NCKAP5: variants seen among roughly 807,000 people sequenced by gnomAD.
The protein encoded by NCKAP5 is NCK associated protein 5, also known as nck-associated protein 5.
Under a neutral mutation model 167.0 loss-of-function variants are expected in NCKAP5, and 92 were observed. That is an observed-to-expected ratio of 0.55 (90% CI 0.47 to 0.66). The LOEUF is 0.66. Among genes scored for constraint, NCKAP5 ranks in the 30% least tolerant of loss-of-function variants. NCKAP5 has a pLI of 0.00. For missense variants in NCKAP5, 2,378 were observed against 2,315.0 expected, an observed-to-expected ratio of 1.03 and a Z score of -0.56; for synonymous variants, 891 against 877.4, an observed-to-expected ratio of 1.02 and a Z score of -0.27.
the NCKAP5 span, among the ~76,000 whole-genome samples, chr2:133,658,677 G>A: frequency 4.6e-5 from 7 of 152,152 alleles, no homozygotes; most frequent in African/African-American, 1.7e-4. Context: ...AGTGCCGACA[G>A]CAGGATTCTC....
At chr2:133,376,783 G>A (rs1215464423) in intron 3 of NCKAP5, among the ~76,000 whole-genome samples, 1 of 152,196 alleles carries the variant, frequency 6.6e-6, no homozygotes. Flanking sequence ...AAATATGAAA[G>A]GCAGAATAAC....
At chr2:133,057,611 C>A (rs536122404) in intron 6 of NCKAP5, among the ~76,000 whole-genome samples, 1 of 152,270 alleles carries the variant, frequency 6.6e-6, no homozygotes, top group East Asian at 1.9e-4. Context: ...TCTATGAAGC[C>A]TGAGAGAGGT....
At chr2:133,211,466 A>C (rs879867202) in intron 5 of NCKAP5, among the ~76,000 whole-genome samples, 1 of 152,092 alleles carries the variant, frequency 6.6e-6, no homozygotes, top group Admixed American at 6.6e-5. Flanking sequence ...TTGAGCTCAA[A>C]TGATCCTCCT....
At chr2:133,077,350 G>A (rs1019247910) in intron 6 of NCKAP5, among the ~76,000 whole-genome samples, 2 of 152,116 alleles carry the variant, frequency 1.3e-5, no homozygotes, top group African/African-American at 4.8e-5. Flanking sequence ...ACCAGAAAAA[G>A]AAAAGCAGAA....
At chr2:133,328,277 T>C (rs994543143) in intron 3 of NCKAP5, among the ~76,000 whole-genome samples, 1 of 152,152 alleles carries the variant, frequency 6.6e-6, no homozygotes, top group Non-Finnish European at 1.5e-5. Flanking sequence ...CTGCTCTCAT[T>C]ATGTCATTTT....
intron 3 of NCKAP5, among the ~76,000 whole-genome samples, chr2:133,323,439 TTGGAGAAGC>T (rs1476207566): frequency 6.6e-6 from 1 of 152,206 alleles, no homozygotes; most frequent in Non-Finnish European, 1.5e-5. Flanking sequence ...TCATCCTTTG[TTGGAGAAGC>T]TGATGAAGTT....
intron 12 of NCKAP5, among the ~76,000 whole-genome samples, chr2:132,794,670 C>CACACACAT (rs1244951346): frequency 1.3e-5 from 2 of 149,278 alleles, no homozygotes; most frequent in African/African-American, 2.6e-5. Flanking sequence ...CACACACACA[C>CACACACAT]ACACACACAC....
chr2:132,745,756 T>G (rs1679585119), intron 16 of NCKAP5, among the ~76,000 whole-genome samples: 1 of 152,026 alleles, frequency 6.6e-6, no homozygotes, highest in African/African-American at 2.4e-5. Flanking sequence ...CAAGGTTACA[T>G]CATACAAGGA....
At chr2:132,875,218 C>T (rs1216201558) in intron 9 of NCKAP5, among the ~76,000 whole-genome samples, 1 of 152,098 alleles carries the variant, frequency 6.6e-6, no homozygotes, top group African/African-American at 2.4e-5. Context: ...TGTGACACAG[C>T]CAGCAGTATT....
chr2:133,600,889 T>G, the NCKAP5 span, among the ~76,000 whole-genome samples: 18 of 152,214 alleles, frequency 1.2e-4, no homozygotes, highest in Admixed American at 2.0e-4. Context: ...TTCCTGTAAG[T>G]CAACCTCCAC....
At chr2:132,746,298 C>T (rs762790921) in intron 16 of NCKAP5, among the ~76,000 whole-genome samples, 8 of 151,908 alleles carry the variant, frequency 5.3e-5, no homozygotes, top group Non-Finnish European at 7.4e-5. Context: ...TGTAATTTAA[C>T]GGAAGAAAGA....
At chr2:133,459,501 G>A (rs975560894) in intron 3 of NCKAP5, among the ~76,000 whole-genome samples, 3 of 152,112 alleles carry the variant, frequency 2.0e-5, no homozygotes, top group African/African-American at 4.8e-5. Flanking sequence ...AAAGGTAGAC[G>A]TTCGGTGTTA....
At chr2:133,421,557 T>C (rs1345754517) in intron 3 of NCKAP5, among the ~76,000 whole-genome samples, 1 of 152,116 alleles carries the variant, frequency 6.6e-6, no homozygotes, top group East Asian at 1.9e-4. Flanking sequence ...CTGAGCTATA[T>C]ACAAGTGGGC....
intron 4 of NCKAP5, among the ~76,000 whole-genome samples, chr2:133,227,997 G>A (rs1328715647): frequency 2.0e-5 from 3 of 152,262 alleles, no homozygotes; most frequent in African/African-American, 7.2e-5. Context: ...ACACTCCAAC[G>A]ATGCCCTAGT....
the NCKAP5 span, among the ~76,000 whole-genome samples, chr2:133,585,508 G>A: frequency 6.6e-6 from 1 of 152,126 alleles, no homozygotes; most frequent in East Asian, 1.9e-4. Flanking sequence ...ATGCAGGTCA[G>A]GCCTTTTACT....
chr2:133,323,784 A>T (rs950335441), intron 3 of NCKAP5, among the ~76,000 whole-genome samples: 2 of 152,208 alleles, frequency 1.3e-5, no homozygotes, highest in Non-Finnish European at 2.9e-5. Flanking sequence ...TCCCAGCCAA[A>T]TCACATTTGT....
intron 5 of NCKAP5, among the ~76,000 whole-genome samples, chr2:133,195,441 A>G (rs1346766976): frequency 6.6e-6 from 1 of 152,166 alleles, no homozygotes; most frequent in Admixed American, 6.6e-5. Context: ...TCCAGCATAC[A>G]TGTGTCATGC....
At chr2:132,907,022 T>C (rs1163566852) in intron 8 of NCKAP5, among the ~76,000 whole-genome samples, 1 of 152,232 alleles carries the variant, frequency 6.6e-6, no homozygotes, top group East Asian at 1.9e-4. Context: ...TTTTGTACCA[T>C]AATCAAAATC....
At chr2:133,392,634 G>A (rs1314795233) in intron 3 of NCKAP5, among the ~76,000 whole-genome samples, 2 of 152,096 alleles carry the variant, frequency 1.3e-5, no homozygotes, top group Non-Finnish European at 2.9e-5. Context: ...CAAGTACTCA[G>A]ATGCTTATGG....
Sources: allele counts gnomAD v4.1 joint callset (sites outside exome capture counted in the v4.1 genomes callset), GRCh38; gene constraint gnomAD v4.1.1; transcripts MANE v1.5; gene names NCBI Gene and HGNC (gene_info 2026-07-23, HGNC 2026-07-21).